Variants in ESRRB observed in about 807,000 individuals in gnomAD.
The protein encoded by ESRRB is steroid hormone receptor ERR2.
Under a neutral mutation model 46.0 loss-of-function variants are expected in ESRRB, and 16 were observed. That is an observed-to-expected ratio of 0.35 (90% CI 0.24 to 0.53). The LOEUF is 0.53. Among genes scored for constraint, ESRRB ranks in the 20% least tolerant of loss-of-function variants. The pLI is 0.93. For missense variants in ESRRB, 488 were observed against 607.4 expected (o/e 0.80, Z 2.07); for synonymous variants, 246 against 259.6 (o/e 0.95, Z 0.50).
intron 3 of ESRRB, among the ~76,000 whole-genome samples, chr14:76,473,353 G>A (rs1889447011): frequency 6.6e-6 from 1 of 152,248 alleles, no homozygotes; most frequent in Non-Finnish European, 1.5e-5. Flanking sequence ...TGGATAAGGG[G>A]AAGAGAAGGG....
intron 1 of ESRRB, among the ~76,000 whole-genome samples, chr14:76,399,860 C>T (rs1174651493): frequency 1.3e-5 from 2 of 152,172 alleles, no homozygotes; most frequent in Non-Finnish European, 2.9e-5. Context: ...CCCTGCTGCT[C>T]CTGACCAGAT....
intron 1 of ESRRB, among the ~76,000 whole-genome samples, chr14:76,316,821 G>A (rs779427866): frequency 6.6e-6 from 1 of 152,148 alleles, no homozygotes; most frequent in East Asian, 1.9e-4. Context: ...GTTCAGTGAA[G>A]AAGCTTTGTC....
chr14:76,485,378 C>CT (rs1889967516), intron 5 of ESRRB, among the ~76,000 whole-genome samples: 1 of 151,390 alleles, frequency 6.6e-6, no homozygotes, highest in Admixed American at 6.6e-5. Context: ...GCTGGGACTA[C>CT]AGGCACGTGC....
chr14:76,471,565 A>T (rs749875045), intron 3 of ESRRB, among the ~76,000 whole-genome samples: 4 of 151,940 alleles, frequency 2.6e-5, no homozygotes, highest in Admixed American at 6.6e-5. Flanking sequence ...AGCATGACAA[A>T]CTGTTTCCCA....
At position 76,501,477 on chromosome 14, in the gene ESRRB, G is replaced by A. The variant is rs972005453; in HGVS notation, c.*3019G>A. 6.6e-6 allele frequency: 1 copy of A among 152,082 alleles called. No individual in the cohort carries two copies. Among genetic ancestry groups the A allele is most frequent in the African/African-American group, 2.4e-5 (1 of 41,360 alleles). 9.4% of individuals were successfully genotyped at this position (152,082 alleles called of 1,614,324 possible). A position where few individuals can be genotyped will look rare whatever the true frequency, so the allele number is the denominator to read the frequency against. ...GAACCTGCACCCACCTGTGTCGGTG[G>A]GGGGGGCCTCCTTTCCCCATAGACT... On this transcript the variant is annotated 3_prime_UTR_variant, in exon 7 of 7. Transcript: ENST00000644823.
chr14:76,382,371 G>C (rs754915426), intron 1 of ESRRB, among the ~76,000 whole-genome samples: 1 of 152,214 alleles, frequency 6.6e-6, no homozygotes, highest in Non-Finnish European at 1.5e-5. Flanking sequence ...CTAGGTGGCT[G>C]TCCCTCTGGT....
intron 1 of ESRRB, among the ~76,000 whole-genome samples, chr14:76,418,950 G>A (rs1477701326): frequency 2.0e-5 from 3 of 151,996 alleles, no homozygotes; most frequent in Admixed American, 6.6e-5. Context: ...GTGCTGGCCA[G>A]GTACTTTGCT....
chr14:76,420,772 G>A (rs926930941), intron 1 of ESRRB, among the ~76,000 whole-genome samples: 2 of 152,092 alleles, frequency 1.3e-5, no homozygotes, highest in Non-Finnish European at 2.9e-5. Flanking sequence ...CCCTGGAACC[G>A]GTGGCCACCA....
At chr14:76,469,244 C>T (rs1012850010) in intron 3 of ESRRB, among the ~76,000 whole-genome samples, 1 of 152,142 alleles carries the variant, frequency 6.6e-6, no homozygotes, top group African/African-American at 2.4e-5. Context: ...TAGGCATGCG[C>T]CACCATGCCC....
chr14:76,338,792 A>G (rs1339579262), intron 1 of ESRRB, among the ~76,000 whole-genome samples: 1 of 152,146 alleles, frequency 6.6e-6, no homozygotes, highest in Non-Finnish European at 1.5e-5. Context: ...CTAAAAACAC[A>G]CAAAAAATTA....
At chr14:76,437,876 A>G (rs76495622) in intron 1 of ESRRB, among the ~76,000 whole-genome samples, 1,999 of 152,244 alleles carry the variant, frequency 0.013, 44 homozygotes, top group African/African-American at 0.046. Context: ...CTTCTCCTCC[A>G]CCAGCATGGC....
intron 1 of ESRRB, among the ~76,000 whole-genome samples, chr14:76,385,581 C>A (rs1211720981): frequency 6.6e-6 from 1 of 152,146 alleles, no homozygotes; most frequent in Non-Finnish European, 1.5e-5. Flanking sequence ...TGTTGATTAT[C>A]CTGAGTATAA....
Position 76,388,820 on chromosome 14 carries a change from G to A in ESRRB, c.50+12369G>A, listed in dbSNP as rs558647660. The stretch of plus-strand genomic sequence containing the variant: ...TCTATCATAAACATATTTTGAAGCC[G>A]ACTTCCCTCTTCTCAGCTTGCATTT... On this transcript the variant is annotated intron_variant, in intron 1 of 6. Transcript: ENST00000644823. Among the ~76,000 whole-genome samples the A allele has an allele frequency of 5.9e-5, 9 of 152,182 alleles. No individual in the cohort carries two copies. The South Asian group carries it at 1.5e-3, about 25-fold the overall frequency.
At chr14:76,381,689 C>A (rs2139801400) in intron 1 of ESRRB, among the ~76,000 whole-genome samples, 1 of 152,264 alleles carries the variant, frequency 6.6e-6, no homozygotes, top group East Asian at 1.9e-4. Context: ...CTTGTATTCA[C>A]CCATCTCATC....
intron 5 of ESRRB, among the ~76,000 whole-genome samples, chr14:76,491,146 C>T (rs1890208080): frequency 6.6e-6 from 1 of 152,194 alleles, no homozygotes; most frequent in Non-Finnish European, 1.5e-5. Context: ...AACAAAAAGC[C>T]TCTACAGACG....
intron 1 of ESRRB, among the ~76,000 whole-genome samples, chr14:76,342,731 G>A (rs1423577977): frequency 6.6e-6 from 1 of 152,240 alleles, no homozygotes; most frequent in Admixed American, 6.5e-5. Context: ...TGACCACTTA[G>A]CACATCTCCT....
At chr14:76,343,624 C>G (rs567874790) in intron 1 of ESRRB, among the ~76,000 whole-genome samples, 1 of 152,232 alleles carries the variant, frequency 6.6e-6, no homozygotes, top group Non-Finnish European at 1.5e-5. Context: ...CCAGGGGCCT[C>G]AGTTCTTCTC....
chr14:76,334,086 G>A (rs1485472707), intron 1 of ESRRB, among the ~76,000 whole-genome samples: 3 of 152,150 alleles, frequency 2.0e-5, no homozygotes, highest in Non-Finnish European at 4.4e-5. Context: ...CAGGTAGAAA[G>A]TGCTAGCTAA....
intron 1 of ESRRB, among the ~76,000 whole-genome samples, chr14:76,433,557 T>G (rs1887544461): frequency 6.6e-6 from 1 of 152,214 alleles, no homozygotes. Flanking sequence ...AGCCTCCAAG[T>G]CCAGGAGGGC....
Sources: gnomAD v4.1 joint callset for allele counts (sites outside exome capture counted in the v4.1 genomes callset) on GRCh38, gnomAD v4.1.1 for gene constraint, MANE v1.5 for transcripts, NCBI Gene and HGNC (gene_info 2026-07-23, HGNC 2026-07-21) for gene names.